Variants in TNXB observed in about 807,000 individuals in gnomAD.
TNXB encodes tenascin-X.
In TNXB, 183 loss-of-function variants were observed where a neutral mutation model predicts 340.5. That is an observed-to-expected ratio of 0.54 (90% CI 0.48 to 0.61). TNXB has a LOEUF of 0.61. Ranked by LOEUF, TNXB falls within the 20% of genes least tolerant of loss-of-function variation. The probability of loss-of-function intolerance (pLI) is 0.00; values close to 1 mark genes in which losing one functional copy is unlikely to be tolerated. For synonymous variants in TNXB, 2,121 were observed against 2,314.5 expected (o/e 0.92, Z 2.40); for missense variants, 4,613 against 5,446.4 (o/e 0.85, Z 4.82).
rs761523934 is a variant in TNXB at position 32,055,873 on chromosome 6, C to T, written c.8445G>A (p.Pro2815=). 1.1e-5 allele frequency: 18 copies of T among 1,612,432 alleles called. No homozygotes were observed. The highest frequency in any genetic ancestry group is 2.2e-5 in the South Asian group (2 of 91,054). The stretch of plus-strand genomic sequence containing the variant: ...CACCTGTCACACCCACGGTGGACAC[C>T]GGGCCCACACGCCGCCCCTCGTGGA... ...YGLHEGRRVG[P]VSTVGVTAPE... is the part of the protein sequence containing the mutation. Residue 2815 remains proline (P), a synonymous_variant, in exon 24 of 44, where the codon CCG becomes CCA. Coordinates refer to ENST00000644971, the MANE Select transcript of TNXB (RefSeq NM_001365276.2).
chr6:32,055,793 G>A, intron 24 of TNXB, 58 bp downstream of exon 24: 2 of 1,560,714 alleles, frequency 1.3e-6, no homozygotes, highest in South Asian at 1.2e-5. Flanking sequence ...TTGTTTTCAT[G>A]AAGTTGCAGA....
At position 32,041,175 on chromosome 6, in the gene TNXB, T is replaced by C. The variant is rs1205182470; in HGVS notation, c.*174A>G. Reference sequence around the variant, plus strand: ...GCCAGCCGGGTACCTCAGTTTCTCCTTTATTGCTCCCGTACGAACCCCTCC... The same window carrying C: ...GCCAGCCGGGTACCTCAGTTTCTCCCTTATTGCTCCCGTACGAACCCCTCC... On this transcript the variant is annotated 3_prime_UTR_variant, in exon 44 of 44. Transcript: ENST00000644971. The C allele has an allele frequency of 2.4e-5, 36 of 1,474,852 alleles. No homozygotes were observed. The highest frequency in any genetic ancestry group is 3.4e-5 in the Admixed American group (2 of 59,224). 91.4% of individuals were successfully genotyped at this position (1,474,852 alleles called of 1,614,324 possible).
rs576350735 is a variant in TNXB at position 32,078,121 on chromosome 6, AAG to A, written c.4375+910_4375+911del. ...AAAGAAAGAAAGAAAGAAAGAAAGAAAGAAAGAAAGAAAAAGAGAGAAAGAAG... is the reference window on the plus strand; with the variant it reads ...AAAGAAAGAAAGAAAGAAAGAAAGAAAAAGAAAGAAAAAGAGAGAAAGAAG... On this transcript the variant is annotated intron_variant, in intron 11 of 43. Coordinates refer to ENST00000644971, the MANE Select transcript of TNXB (RefSeq NM_001365276.2). 1.8e-3 allele frequency among the ~76,000 whole-genome samples: 263 copies of A among 144,600 alleles called. 1 individual carries two copies. The highest frequency in any genetic ancestry group is 3.6e-3 in the Middle Eastern group (1 of 274). The allele number at this position is 144,600 out of a possible 152,430, so 94.9% of individuals were successfully genotyped here.
Position 32,056,709 on chromosome 6 carries a change from C to A in TNXB, c.8020G>T (p.Val2674Leu). ...GTGACCCCGTCCTCGTGCCCCGGCA[C>A]CCGCACCGCCTTGGGCTGCCCATCC... Reference protein sequence around the residue: ...NGDGQPKAVRVPGHEDGVTIS... With the variant: ...NGDGQPKAVRLPGHEDGVTIS... The change falls in exon 23 of 44, where the codon GTG becomes TTG. Residue 2674 changes from valine to leucine, a missense_variant. Transcript: ENST00000644971. 1 of 1,613,174 alleles carries A rather than the reference C, an allele frequency of 6.2e-7. No homozygotes were observed. Among genetic ancestry groups the A allele is most frequent in the Non-Finnish European group, 8.5e-7 (1 of 1,179,870 alleles).
Position 32,081,743 on chromosome 6 carries a change from A to T in TNXB, c.3737-70T>A. The T allele has an allele frequency of 1.1e-6, 1 of 927,800 alleles. No homozygotes were observed. The highest frequency in any genetic ancestry group is 1.6e-6 in the Non-Finnish European group (1 of 642,400). 57.5% of individuals were successfully genotyped at this position (927,800 alleles called of 1,614,324 possible). A position where few individuals can be genotyped will look rare whatever the true frequency, so the allele number is the denominator to read the frequency against. On this transcript the variant is annotated intron_variant, in intron 9 of 43. Transcript: ENST00000644971. The surrounding 1 kb of genome is among the most constrained non-coding windows in gnomAD (Gnocchi z 5.1). ...GACTGGGGCTTGGGGTTTCGACGGG[A>T]TGTCACACCTATGGGGGGTGGGGGG... is the stretch of plus-strand genomic sequence containing the variant.
rs780824296 is a variant in TNXB, at chr6:32,058,311, G to C, written c.7572C>G (p.Leu2524=). The part of the protein sequence containing the change: ...TEAPGPPEEP[L]LGELTVTGSS... The stretch of plus-strand genomic sequence containing the variant: ...ATCCTGTCACTGTCAGCTCCCCCAG[G>C]AGAGGCTCCTCGGGGGGCCCTGGGG... The change falls in exon 22 of 44, where the codon CTC becomes CTG. Residue 2524 remains leucine (L), a synonymous_variant. Coordinates refer to ENST00000644971, the MANE Select transcript of TNXB (RefSeq NM_001365276.2). This position sits in a 1 kb window ranked among gnomAD's most constrained non-coding sequence, Gnocchi z 5.1. The C allele has an allele frequency of 1.2e-6, 2 of 1,611,914 alleles. No homozygotes were observed. The highest frequency in any genetic ancestry group is 1.7e-6 in the Non-Finnish European group (2 of 1,179,538).
intron 1 of TNXB, among the ~76,000 whole-genome samples, chr6:32,105,441 C>T (rs189006921): frequency 6.6e-6 from 1 of 152,248 alleles, no homozygotes; most frequent in African/African-American, 2.4e-5. Context: ...TACTTTCTTG[C>T]CCACTAGACT....
chr6:32,079,396 G>A lies in TNXB; in HGVS notation c.4043-31C>T, dbSNP rs377057256. On this transcript the variant is annotated intron_variant, in intron 10 of 43. Transcript: ENST00000644971. This position sits in a 1 kb window ranked among gnomAD's most constrained non-coding sequence, Gnocchi z 7.1. Reference sequence around the variant, plus strand: ...AGAAGAGATAGAGGCATAAAGGGCTGCTGGCTTTGCTGCTGCTGCCCACAG... The same window carrying A: ...AGAAGAGATAGAGGCATAAAGGGCTACTGGCTTTGCTGCTGCTGCCCACAG... 1.6e-4 allele frequency: 241 copies of A among 1,529,832 alleles called. 1 individual carries two copies. In the East Asian group the frequency reaches 5.2e-3, roughly 33 times the overall value. The allele number at this position is 1,529,832 out of a possible 1,614,324, so 94.8% of individuals were successfully genotyped here. A position where few individuals can be genotyped will look rare whatever the true frequency, so the allele number is the denominator to read the frequency against.
Position 32,085,908 on chromosome 6 carries a change from A to G in TNXB, c.2990T>C (p.Val997Ala), listed in dbSNP as rs759766495. Residue 997 changes from valine (V) to alanine (A), a missense_variant, in exon 7 of 44, where the codon GTG becomes GCG. Physicochemically the swap from Val to Ala is moderately conservative, Grantham distance 64. Around this residue, in one of 7 missense-constraint regions of TNXB, gnomAD observed 4,327 missense variants for 4,859.4 expected, o/e 0.89. Coordinates refer to ENST00000644971, the MANE Select transcript of TNXB (RefSeq NM_001365276.2). This position sits in a 1 kb window ranked among gnomAD's most constrained non-coding sequence, Gnocchi z 6.4. ...CTCATGTGCCCCCGGCCCCTCGGGC[A>G]CCCGCATGCGCAGTTGGAAGTAGGC... ...TFAYFQLRMR[V>A]PEGPGAHEEV... The G allele has an allele frequency of 6.2e-7, 1 of 1,608,424 alleles. No individual in the cohort carries two copies.
At position 32,056,831 on chromosome 6, in the gene TNXB, T is replaced by A; in HGVS notation, c.7898A>T (p.Glu2633Val). ...AGGGGTGGCATCTGTCATGGTCAGC[T>A]CCCCCAGGCGAGGCTTGATGGGGGG... ...PEPPIKPRLG[E>V]LTMTDATPDS... Residue 2633 changes from glutamate to valine, a missense_variant, in exon 23 of 44, where the codon GAG (glutamate) becomes GTG (valine). Transcript: ENST00000644971. 6.2e-7 allele frequency: 1 copy of A among 1,612,728 alleles called. No homozygotes were observed. The highest frequency in any genetic ancestry group is 8.5e-7 in the Non-Finnish European group (1 of 1,179,778).
Position 32,064,968 on chromosome 6 carries a change from C to G in TNXB, c.6694G>C (p.Asp2232His). Residue 2232 changes from aspartate (D) to histidine (H), a missense_variant, in exon 19 of 44, where the codon GAC becomes CAC. Transcript: ENST00000644971. The surrounding 1 kb of genome is among the most constrained non-coding windows in gnomAD (Gnocchi z 5.3). Reference protein sequence around the residue: ...DHFLVQFKNGDGQPKAVRVPG... With the variant: ...DHFLVQFKNGHGQPKAVRVPG... ...ACCCGCACCGCCTTGGGCTGCCCGT[C>G]CCCATTCTTAAACTGGACCAAGAAA... The G allele has an allele frequency of 6.2e-7, 1 of 1,612,766 alleles. No homozygotes were observed. The highest frequency in any genetic ancestry group is 8.5e-7 in the Non-Finnish European group (1 of 1,179,800).
rs539429452 is a variant in TNXB, at chr6:32,067,891, C to G, written c.6314G>C (p.Gly2105Ala). The change falls in exon 18 of 44, where the codon GGA becomes GCA. Residue 2105 changes from glycine (G) to alanine (A), a missense_variant. Coordinates refer to ENST00000644971, the MANE Select transcript of TNXB (RefSeq NM_001365276.2). The surrounding 1 kb of genome is among the most constrained non-coding windows in gnomAD (Gnocchi z 4.2). ...EPLLGELTVT[G>A]SSPDSLSLSW... The stretch of plus-strand genomic sequence containing the variant: ...GAGGCTCAGCGAGTCAGGGGAGGAT[C>G]CTGTCACTGTTAGCTCCCCCAGGAG... The G allele has an allele frequency of 8.4e-5, 136 of 1,612,768 alleles. No homozygotes were observed. Among genetic ancestry groups the G allele is most frequent in the Non-Finnish European group, 1.1e-4 (132 of 1,179,872 alleles).
Position 32,081,722 on chromosome 6 carries a change from G to A in TNXB, c.3737-49C>T. Reference sequence around the variant, plus strand: ...GGTGCTGAACTGGCAGCCTGGGACTGGGGCTTGGGGTTTCGACGGGATGTC... The same window carrying A: ...GGTGCTGAACTGGCAGCCTGGGACTAGGGCTTGGGGTTTCGACGGGATGTC... On this transcript the variant is annotated intron_variant, in intron 9 of 43. Transcript: ENST00000644971. The surrounding 1 kb of genome is among the most constrained non-coding windows in gnomAD (Gnocchi z 5.1). The A allele has an allele frequency of 6.8e-7, 1 of 1,481,036 alleles. No individual in the cohort carries two copies. The highest frequency in any genetic ancestry group is 9.1e-7 in the Non-Finnish European group (1 of 1,101,582). The allele number at this position is 1,481,036 out of a possible 1,614,324, so 91.7% of individuals were successfully genotyped here.
rs916637513 is a variant in TNXB at position 32,090,384 on chromosome 6, G to C, written c.2359-1005C>G. Among the ~76,000 whole-genome samples, 3 of 152,184 alleles carry C rather than the reference G, an allele frequency of 2.0e-5. No homozygotes were observed. Among genetic ancestry groups the C allele is most frequent in the African/African-American group, 7.2e-5 (3 of 41,440 alleles). ...ATCTACTGGACCCTGCTCCAGGCAG[G>C]GTCTCCTGGAATGCCCACCACTGGG... On this transcript the variant is annotated intron_variant, in intron 4 of 43. Transcript: ENST00000644971. This position sits in a 1 kb window ranked among gnomAD's most constrained non-coding sequence, Gnocchi z 4.3.
intron 1 of TNXB, 82 bp from the exon 2 acceptor site, chr6:32,098,288 G>T: frequency 2.5e-6 from 3 of 1,178,280 alleles, no homozygotes; most frequent in South Asian, 4.5e-5. Flanking sequence ...CATACCCACG[G>T]TCCCACCACC....
intron 4 of TNXB, among the ~76,000 whole-genome samples, chr6:32,094,139 G>A (rs1353055145): frequency 2.0e-5 from 3 of 149,762 alleles, no homozygotes; most frequent in Non-Finnish European, 4.4e-5. Context: ...CAAGTTGGAG[G>A]GAGACAGAGA....
At position 32,069,034 on chromosome 6, in the gene TNXB, A is replaced by G; in HGVS notation, c.5690T>C (p.Leu1897Pro). 1 of 1,612,862 alleles carries G rather than the reference A, an allele frequency of 6.2e-7. No homozygotes were observed. Among genetic ancestry groups the G allele is most frequent in the South Asian group, 1.1e-5 (1 of 91,090 alleles). ...LTVEEATSHT[L>P]HLSWMVTEGE... ...CTCAGTCACCATCCAGGAGAGATGC[A>G]GGGTGTGTGACGTGGCCTCCTCCAC... Residue 1897 changes from leucine to proline, a missense_variant, in exon 16 of 44, where the codon CTG becomes CCG. This residue lies in a region of TNXB where 4,327 missense variants were observed against 4,859.4 expected (regional missense o/e 0.89). Transcript: ENST00000644971. This position sits in a 1 kb window ranked among gnomAD's most constrained non-coding sequence, Gnocchi z 6.2.
chr6:32,048,255 A>G, intron 29 of TNXB, 108 bp downstream of exon 29: 4 of 1,251,832 alleles, frequency 3.2e-6, no homozygotes, highest in Non-Finnish European at 4.3e-6. Flanking sequence ...GACCCAATAA[A>G]TCAGTGGGTG....
rs1778880177 is a variant in TNXB at position 32,073,233 on chromosome 6, G to C, written c.4681+414C>G. Among the ~76,000 whole-genome samples the C allele has an allele frequency of 6.6e-6, 1 of 152,132 alleles. No homozygotes were observed. Among genetic ancestry groups the C allele is most frequent in the African/African-American group, 2.4e-5 (1 of 41,422 alleles). On this transcript the variant is annotated intron_variant, in intron 12 of 43. Coordinates refer to ENST00000644971, the MANE Select transcript of TNXB (RefSeq NM_001365276.2). This position sits in a 1 kb window ranked among gnomAD's most constrained non-coding sequence, Gnocchi z 4.6. ...AGGTGGCAGAGGACTCCTGAGAAGG[G>C]ACTCAGGATGTAAAGCACTTCGCCT...
Sources: allele counts gnomAD v4.1 joint callset (sites outside exome capture counted in the v4.1 genomes callset), GRCh38; gene constraint gnomAD v4.1.1; regional missense constraint gnomAD v4.1.1; non-coding constraint Gnocchi (gnomAD v3.1); transcripts MANE v1.5; gene names NCBI Gene and HGNC (gene_info 2026-07-23, HGNC 2026-07-21).